Variants in SETBP1 observed in about 807,000 individuals in gnomAD.
SETBP1 encodes the protein SET-binding protein.
In SETBP1, 9 loss-of-function variants were observed where a neutral mutation model predicts 101.0. The observed-to-expected ratio is 0.09, with a 90% CI of 0.05 to 0.16. The LOEUF (loss-of-function observed/expected upper bound fraction) is 0.16, where lower values mean the gene tolerates loss of function less well. Ranked by LOEUF, SETBP1 falls within the 10% of genes least tolerant of loss-of-function variation. The probability of loss-of-function intolerance (pLI) is 1.00; values close to 1 mark genes in which losing one functional copy is unlikely to be tolerated. For missense variants in SETBP1, 1,858 were observed against 2,033.8 expected, an observed-to-expected ratio of 0.91 and a Z score of 1.66; for synonymous variants, 818 against 788.5, an observed-to-expected ratio of 1.04 and a Z score of -0.63.
intron 2 of SETBP1, among the ~76,000 whole-genome samples, chr18:44,760,144 G>A (rs1056473971): frequency 2.0e-5 from 3 of 152,150 alleles, no homozygotes; most frequent in African/African-American, 4.8e-5. Flanking sequence ...CCTTTGCTTA[G>A]CTTGGTAAAC....
chr18:44,921,195 T>C (rs1015196273), intron 3 of SETBP1, among the ~76,000 whole-genome samples: 1 of 152,238 alleles, frequency 6.6e-6, no homozygotes, highest in African/African-American at 2.4e-5. Context: ...CTACTGGCAG[T>C]TCAGTTGTGA....
In SETBP1 at chr18:44,950,388, C is replaced by G. The variant is rs142034944; in HGVS notation, c.1048C>G (p.Pro350Ala). 6.2e-7 allele frequency: 1 copy of G among 1,614,074 alleles called. No homozygotes were observed. The highest frequency in any genetic ancestry group is 1.6e-4 in the Middle Eastern group (1 of 6,062). The change falls in exon 4 of 6, where the codon CCA becomes GCA. Residue 350 changes from proline (P) to alanine (A), a missense_variant. Coordinates refer to ENST00000649279, the MANE Select transcript of SETBP1 (RefSeq NM_015559.3). ...KDVISQTIPN[P>A]DLDWVKNAQK... Reference sequence around the variant, plus strand: ...TGTGATAAGTCAGACCATACCAAACCCAGACCTGGATTGGGTCAAGAATGC... The same window carrying G: ...TGTGATAAGTCAGACCATACCAAACGCAGACCTGGATTGGGTCAAGAATGC...
chr18:44,886,753 T>G (rs897221794), intron 3 of SETBP1, among the ~76,000 whole-genome samples: 2 of 111,544 alleles, frequency 1.8e-5, no homozygotes, highest in African/African-American at 7.6e-5. Context: ...GGACTGTACA[T>G]TTTATTATTA....
intron 3 of SETBP1, chr18:44,870,353 TCA>T (rs962372903): frequency 2.6e-4 from 39 of 152,252 alleles, no homozygotes; most frequent in African/African-American, 8.9e-4. Flanking sequence ...TGGCCCCAGA[TCA>T]CACAGAGAGC....
chr18:44,827,553 G>A (rs1025686172), intron 2 of SETBP1, among the ~76,000 whole-genome samples: 3 of 152,140 alleles, frequency 2.0e-5, no homozygotes, highest in African/African-American at 7.2e-5. Context: ...ATCATTGACG[G>A]TCTTTTGTGG....
At chr18:44,754,380 T>C (rs1371173079) in intron 2 of SETBP1, among the ~76,000 whole-genome samples, 1 of 152,232 alleles carries the variant, frequency 6.6e-6, no homozygotes, top group Non-Finnish European at 1.5e-5. Context: ...AGTAGTTTCA[T>C]TAATGCTAAG....
intron 2 of SETBP1, among the ~76,000 whole-genome samples, chr18:44,842,950 G>A (rs912513608): frequency 6.6e-6 from 1 of 152,200 alleles, no homozygotes; most frequent in Admixed American, 6.5e-5. Flanking sequence ...AGCCATGGGG[G>A]GACTCCTGGG....
intron 2 of SETBP1, among the ~76,000 whole-genome samples, chr18:44,800,129 T>A (rs963415002): frequency 2.0e-5 from 3 of 152,162 alleles, no homozygotes; most frequent in African/African-American, 4.8e-5. Flanking sequence ...AAACTCAGGC[T>A]GGTGGTTGTC....
intron 4 of SETBP1, among the ~76,000 whole-genome samples, chr18:44,982,800 TG>T (rs1334088507): frequency 6.6e-6 from 1 of 152,226 alleles, no homozygotes; most frequent in Non-Finnish European, 1.5e-5. Context: ...TATGACATCA[TG>T]GGGGACACTC....
intron 2 of SETBP1, among the ~76,000 whole-genome samples, chr18:44,768,984 G>C (rs1446880883): frequency 6.6e-6 from 1 of 152,304 alleles, no homozygotes; most frequent in African/African-American, 2.4e-5. Flanking sequence ...ATACCTGCTT[G>C]TGGTTTTTCT....
At position 44,957,357 on chromosome 18, in the gene SETBP1, G is replaced by T. The variant is rs547421720; in HGVS notation, c.4000+4017G>T. On this transcript the variant is annotated intron_variant, in intron 4 of 5. Transcript: ENST00000649279. ...CAGATACTGAGACCTCATGACAACT[G>T]CTGTTCAAGCTCCTATCAGATAATT... Among the ~76,000 whole-genome samples the T allele has an allele frequency of 3.0e-3, 451 of 148,940 alleles. 2 individuals carry two copies. Among genetic ancestry groups the T allele is most frequent in the African/African-American group, 0.011 (437 of 39,986 alleles).
intron 5 of SETBP1, among the ~76,000 whole-genome samples, chr18:45,041,925 C>A (rs1639517512): frequency 6.6e-6 from 1 of 151,750 alleles, no homozygotes; most frequent in South Asian, 2.1e-4. Flanking sequence ...CCACTGCACT[C>A]CAGCCTGGGT....
intron 2 of SETBP1, among the ~76,000 whole-genome samples, chr18:44,753,332 A>T (rs2070427365): frequency 6.6e-6 from 1 of 152,184 alleles, no homozygotes; most frequent in Admixed American, 6.5e-5. Flanking sequence ...AGATCCTAGG[A>T]GGCTGGCATG....
chr18:45,063,284 G>A lies in SETBP1; in HGVS notation c.4377G>A (p.Lys1459=), dbSNP rs1387307585. The change falls in exon 6 of 6, where the codon AAG becomes AAA. Residue 1459 remains lysine (K), a synonymous_variant. Coordinates refer to ENST00000649279, the MANE Select transcript of SETBP1 (RefSeq NM_015559.3). ...FVKKRRGRPR[K]QPTQFDEDSR... ...AGAAGAGGCGCGGGCGTCCCAGGAA[G>A]CAGCCCACCCAGTTCGATGAGGACT... The A allele has an allele frequency of 1.2e-6, 2 of 1,609,952 alleles. No individual in the cohort carries two copies. The highest frequency in any genetic ancestry group is 2.2e-5 in the East Asian group (1 of 44,678).
At chr18:44,890,243 C>G (rs1435275752) in intron 3 of SETBP1, among the ~76,000 whole-genome samples, 2 of 152,120 alleles carry the variant, frequency 1.3e-5, no homozygotes, top group African/African-American at 4.8e-5. Context: ...ACCAGCATCT[C>G]CTCAAACCCC....
intron 4 of SETBP1, among the ~76,000 whole-genome samples, chr18:45,037,525 G>A (rs1041960854): frequency 5.9e-5 from 9 of 152,274 alleles, no homozygotes; most frequent in African/African-American, 2.2e-4. Context: ...CCCCTACAAG[G>A]TAGTATCATC....
chr18:44,972,451 A>G (rs2071887630), intron 4 of SETBP1, among the ~76,000 whole-genome samples: 1 of 152,216 alleles, frequency 6.6e-6, no homozygotes, highest in South Asian at 2.1e-4. Context: ...CATTGAATCT[A>G]GAAATTACCT....
chr18:44,814,704 C>T (rs1350982965), intron 2 of SETBP1, among the ~76,000 whole-genome samples: 1 of 152,210 alleles, frequency 6.6e-6, no homozygotes, highest in African/African-American at 2.4e-5. Flanking sequence ...TGCAGGCTGG[C>T]CGCACTCTGA....
intron 3 of SETBP1, among the ~76,000 whole-genome samples, chr18:44,934,483 A>G (rs8090594): frequency 0.52 from 79,409 of 151,966 alleles, 20,994 homozygotes; most frequent in East Asian, 0.73. Context: ...GAAGATAAGT[A>G]ACGAGCCTCA....
Sources: gnomAD v4.1 joint callset for allele counts (sites outside exome capture counted in the v4.1 genomes callset) on GRCh38, gnomAD v4.1.1 for gene constraint, MANE v1.5 for transcripts, NCBI Gene and HGNC (gene_info 2026-07-23, HGNC 2026-07-21) for gene names.